The following RTL4 variants were observed in gnomAD, a reference collection of about 807,000 sequenced individuals.
RTL4 encodes retrotransposon Gag-like protein 4.
In RTL4, 4 loss-of-function variants were observed where a neutral mutation model predicts 5.3. That is an observed-to-expected ratio of 0.75 (90% CI 0.37 to 1.72). The LOEUF is 1.72. RTL4 is among the 40% of genes most tolerant of loss of function. The probability of loss-of-function intolerance (pLI) is 0.04; values close to 1 mark genes in which losing one functional copy is unlikely to be tolerated. For missense variants in RTL4, 260 were observed against 227.1 expected (o/e 1.14, Z -0.93); for synonymous variants, 98 against 87.3 (o/e 1.12, Z -0.68).
At chrX:112,283,614 C>T in the RTL4 span, among the ~76,000 whole-genome samples, 6 of 111,555 alleles carry the variant, frequency 5.4e-5, no homozygotes, top group Non-Finnish European at 9.4e-5. Flanking sequence ...AGCAAGCCTA[C>T]TGTCCTTTAA....
chrX:112,141,418 T>C, the RTL4 span, among the ~76,000 whole-genome samples: 2 of 111,919 alleles, frequency 1.8e-5, no homozygotes, highest in Non-Finnish European at 3.8e-5. Flanking sequence ...TGCTTTTTCT[T>C]GCCTAAATAT....
chrX:112,094,736 CAA>C, the RTL4 span, among the ~76,000 whole-genome samples: 6 of 111,390 alleles, frequency 5.4e-5, no homozygotes, highest in Non-Finnish European at 9.5e-5. Context: ...AAGAATGTTT[CAA>C]GAGAGAGTAA....
At chrX:112,351,652 G>A in the RTL4 span, among the ~76,000 whole-genome samples, 11 of 105,189 alleles carry the variant, frequency 1.0e-4, no homozygotes, top group Admixed American at 1.1e-3. Flanking sequence ...GATCTTTGTT[G>A]GTTTAAAGTC....
the RTL4 span, among the ~76,000 whole-genome samples, chrX:112,354,289 A>C: frequency 9.2e-3 from 1,017 of 111,099 alleles, 16 homozygotes; most frequent in African/African-American, 0.032. Context: ...GACAGTGGAC[A>C]ATTTGCCTAG....
At chrX:112,187,974 G>A in the RTL4 span, among the ~76,000 whole-genome samples, 1 of 111,572 alleles carries the variant, frequency 9.0e-6, no homozygotes, top group Non-Finnish European at 1.9e-5. Context: ...GAGAGAAATC[G>A]ATGATGATGA....
the RTL4 span, among the ~76,000 whole-genome samples, chrX:112,133,944 C>T: frequency 8.9e-6 from 1 of 111,764 alleles, no homozygotes; most frequent in African/African-American, 3.3e-5. Flanking sequence ...TTTCCTAATC[C>T]ATGCTAGAGC....
the RTL4 span, among the ~76,000 whole-genome samples, chrX:112,434,776 C>G: frequency 9.0e-6 from 1 of 111,667 alleles, no homozygotes; most frequent in Non-Finnish European, 1.9e-5. Context: ...CTTCTGGGCA[C>G]TTTGTTTACC....
the RTL4 span, among the ~76,000 whole-genome samples, chrX:112,181,152 A>C: frequency 8.9e-6 from 1 of 111,801 alleles, no homozygotes; most frequent in Admixed American, 9.4e-5. Flanking sequence ...TCCTGCCCAG[A>C]TACTACGCTT....
the RTL4 span, among the ~76,000 whole-genome samples, chrX:112,361,558 A>G: frequency 1.8e-5 from 2 of 111,360 alleles, no homozygotes; most frequent in Non-Finnish European, 3.8e-5. Context: ...AGAGTTTGCT[A>G]GAAGTGACCC....
the RTL4 span, among the ~76,000 whole-genome samples, chrX:112,361,782 T>C: frequency 2.7e-5 from 3 of 111,300 alleles, no homozygotes; most frequent in Admixed American, 9.6e-5. Context: ...CCTTTAGTTA[T>C]AGTGGCTCAT....
At chrX:112,304,065 A>G in the RTL4 span, among the ~76,000 whole-genome samples, 1 of 110,161 alleles carries the variant, frequency 9.1e-6, no homozygotes, top group Non-Finnish European at 1.9e-5. Context: ...ATGGTTGGGT[A>G]TGGGGCCTAA....
chrX:112,087,877 G>A, the RTL4 span, among the ~76,000 whole-genome samples: 1 of 111,100 alleles, frequency 9.0e-6, no homozygotes, highest in Non-Finnish European at 1.9e-5. Context: ...CTCCCTTTCT[G>A]CCTTTTTGTA....
At chrX:112,245,944 ACAGT>A in the RTL4 span, among the ~76,000 whole-genome samples, 4 of 112,219 alleles carry the variant, frequency 3.6e-5, no homozygotes, top group African/African-American at 1.3e-4. Flanking sequence ...TTTCCTTCTA[ACAGT>A]CAGGTCCCTC....
chrX:112,253,459 C>T, the RTL4 span, among the ~76,000 whole-genome samples: 17 of 112,149 alleles, frequency 1.5e-4, no homozygotes, highest in Non-Finnish European at 2.1e-4. Flanking sequence ...GCTTTGCTTC[C>T]TATATTCTAT....
chrX:112,090,132 T>C, the RTL4 span, among the ~76,000 whole-genome samples: 1 of 110,609 alleles, frequency 9.0e-6, no homozygotes, highest in Non-Finnish European at 1.9e-5. Flanking sequence ...GTTTTATGGA[T>C]TCTTTAGGAT....
the RTL4 span, among the ~76,000 whole-genome samples, chrX:112,233,826 TACA>T: frequency 9.0e-6 from 1 of 111,551 alleles, no homozygotes; most frequent in South Asian, 3.8e-4. Context: ...AAAGTAGACA[TACA>T]ACAAGTACCA....
chrX:112,196,618 GTTC>G, the RTL4 span, among the ~76,000 whole-genome samples: 2 of 111,614 alleles, frequency 1.8e-5, no homozygotes, highest in Non-Finnish European at 3.8e-5. Flanking sequence ...TATGAGTACA[GTTC>G]TTCTGCATCC....
chrX:112,274,990 C>T, the RTL4 span, among the ~76,000 whole-genome samples: 1 of 110,100 alleles, frequency 9.1e-6, no homozygotes, highest in South Asian at 4.0e-4. Context: ...TATTATTATC[C>T]CCACTTTATA....
chrX:112,290,579 T>C, the RTL4 span, among the ~76,000 whole-genome samples: 3 of 112,100 alleles, frequency 2.7e-5, no homozygotes, highest in Non-Finnish European at 5.6e-5. Flanking sequence ...TATTGTGTGA[T>C]AGAAAGAGTA....
Sources: allele counts gnomAD v4.1 joint callset (sites outside exome capture counted in the v4.1 genomes callset), GRCh38; gene constraint gnomAD v4.1.1; transcripts MANE v1.5; gene names NCBI Gene and HGNC (gene_info 2026-07-23, HGNC 2026-07-21).